PDGFD: variants seen among roughly 807,000 people sequenced by gnomAD.
The protein encoded by PDGFD is platelet derived growth factor D.
Under a neutral mutation model 44.7 loss-of-function variants are expected in PDGFD, and 30 were observed. That is an observed-to-expected ratio of 0.67 (90% confidence interval 0.50 to 0.91). The LOEUF (loss-of-function observed/expected upper bound fraction) is 0.91. Among genes scored for constraint, PDGFD ranks in the 40% least tolerant of loss-of-function variants. PDGFD has a pLI of 0.00. For synonymous variants in PDGFD, 173 were observed against 168.4 expected, an observed-to-expected ratio of 1.03 and a Z score of -0.21; for missense variants, 445 against 457.8, an observed-to-expected ratio of 0.97 and a Z score of 0.25.
At position 104,164,028 on chromosome 11, in the gene PDGFD, C is replaced by T; in HGVS notation, c.-101G>A. The T allele has an allele frequency of 7.6e-7, 1 of 1,322,800 alleles. No individual in the cohort carries two copies. Among genetic ancestry groups the T allele is most frequent in the Non-Finnish European group, 1.0e-6 (1 of 992,146 alleles). 81.9% of individuals were successfully genotyped at this position (1,322,800 alleles called of 1,614,324 possible). On this transcript the variant is annotated 5_prime_UTR_variant, in exon 1 of 7. Transcript: ENST00000393158. ...CCTGCGCTCTCGCCGCCTGCGCTCGCCCTGCGCTGGCCCGGGTCGCTGTGC... is the reference window on the plus strand; with the variant it reads ...CCTGCGCTCTCGCCGCCTGCGCTCGTCCTGCGCTGGCCCGGGTCGCTGTGC...
In PDGFD at chr11:103,947,647, T is replaced by C. The variant is rs756331829; in HGVS notation, c.573+15A>G. 11 of 1,607,676 alleles carry C rather than the reference T, an allele frequency of 6.8e-6. No homozygotes were observed. Among genetic ancestry groups the C allele is most frequent in the African/African-American group, 1.3e-5 (1 of 74,770 alleles). ...TCCGTTTCTTTTGCTGGCAACAGAG[T>C]AATAAATTACTTACTGAAATAGAGC... On this transcript the variant is annotated intron_variant, in intron 4 of 6. Transcript: ENST00000393158.
intron 1 of PDGFD, among the ~76,000 whole-genome samples, chr11:104,142,074 T>C (rs1345995532): frequency 6.6e-6 from 1 of 152,190 alleles, no homozygotes. Context: ...ACACTTACCA[T>C]ATTAATACTG....
At chr11:103,964,599 A>C (rs1858986426) in intron 3 of PDGFD, among the ~76,000 whole-genome samples, 1 of 152,160 alleles carries the variant, frequency 6.6e-6, no homozygotes, top group Non-Finnish European at 1.5e-5. Context: ...AAATGTGAAC[A>C]CTGCCCTACC....
At chr11:103,954,940 G>A (rs904363778) in intron 3 of PDGFD, among the ~76,000 whole-genome samples, 5 of 151,714 alleles carry the variant, frequency 3.3e-5, no homozygotes, top group South Asian at 2.1e-4. Context: ...CGAGGCGGGC[G>A]GATCACGAGG....
intron 3 of PDGFD, among the ~76,000 whole-genome samples, chr11:103,956,460 A>G (rs1258989048): frequency 1.4e-5 from 1 of 73,706 alleles, no homozygotes; most frequent in African/African-American, 1.8e-4. Context: ...CCAGTCTATC[A>G]CATAAGGACA....
At position 104,082,137 on chromosome 11, in the gene PDGFD, C is replaced by CATTATATATATATATATATATAT. The variant is rs1555050974; in HGVS notation, c.124+81666_124+81667insATATATATATATATATATATAAT. ...TTGTTGATGTCCATATACATACATA[C>CATTATATATATATATATATATAT]ATATATATATATGAAAAACAAAGTC... On this transcript the variant is annotated intron_variant, in intron 1 of 6. Coordinates refer to ENST00000393158, the MANE Select transcript of PDGFD (RefSeq NM_025208.5). 3.6e-4 allele frequency among the ~76,000 whole-genome samples: 44 copies of CATTATATATATATATATATATAT among 123,258 alleles called. 1 individual carries two copies. The highest frequency in any genetic ancestry group is 1.4e-3 in the African/African-American group (40 of 29,286). The allele number at this position is 123,258 out of a possible 152,430, so 80.9% of individuals were successfully genotyped here.
At chr11:104,071,162 T>C (rs991467630) in intron 1 of PDGFD, among the ~76,000 whole-genome samples, 2 of 151,994 alleles carry the variant, frequency 1.3e-5, no homozygotes, top group African/African-American at 4.8e-5. Flanking sequence ...CTACTAACTA[T>C]AAGCACAATA....
chr11:103,937,382 A>G (rs1858505853), intron 5 of PDGFD, among the ~76,000 whole-genome samples: 1 of 152,164 alleles, frequency 6.6e-6, no homozygotes, highest in Admixed American at 6.5e-5. Flanking sequence ...AAGAAAAAGA[A>G]CAGATCTTAC....
chr11:104,084,844 T>C (rs1259577519), intron 1 of PDGFD, among the ~76,000 whole-genome samples: 1 of 70,642 alleles, frequency 1.4e-5, no homozygotes, highest in Non-Finnish European at 2.4e-5. Flanking sequence ...ATATGTAATG[T>C]ATATATTTTA....
At chr11:104,119,164 C>A (rs1202853362) in intron 1 of PDGFD, among the ~76,000 whole-genome samples, 164 of 5,890 alleles carry the variant, frequency 0.028, 13 homozygotes, top group Non-Finnish European at 0.03. Flanking sequence ...ATTGATATAA[C>A]ATATAATATA....
intron 1 of PDGFD, among the ~76,000 whole-genome samples, chr11:104,160,035 A>C (rs1347863070): frequency 6.6e-6 from 1 of 152,088 alleles, no homozygotes; most frequent in Non-Finnish European, 1.5e-5. Flanking sequence ...TTGCTTTCAG[A>C]CTCTTTAAAA....
rs576790542 is a variant in PDGFD at position 104,102,412 on chromosome 11, A to C, written c.124+61392T>G. Among the ~76,000 whole-genome samples, 13 of 152,300 alleles carry C rather than the reference A, an allele frequency of 8.5e-5. 1 individual carries two copies. In the South Asian group the frequency reaches 2.5e-3, roughly 29 times the overall value. On this transcript the variant is annotated intron_variant, in intron 1 of 6. Transcript: ENST00000393158. ...CACACCAGTTAGAATGGCGATCATTAAAAAGTCAGGAAACAACAGGTGCTG... is the reference window on the plus strand; with the variant it reads ...CACACCAGTTAGAATGGCGATCATTCAAAAGTCAGGAAACAACAGGTGCTG...
At chr11:104,148,688 C>G (rs1041213223) in intron 1 of PDGFD, among the ~76,000 whole-genome samples, 1 of 152,000 alleles carries the variant, frequency 6.6e-6, no homozygotes, top group South Asian at 2.1e-4. Context: ...TATTTCATTA[C>G]CTACGTATTA....
intron 3 of PDGFD, among the ~76,000 whole-genome samples, chr11:103,967,103 A>G (rs1859032179): frequency 6.6e-6 from 1 of 152,260 alleles, no homozygotes; most frequent in African/African-American, 2.4e-5. Context: ...AGAGGCAATC[A>G]ACATTATTGG....
intron 1 of PDGFD, among the ~76,000 whole-genome samples, chr11:104,162,431 G>A (rs1050293626): frequency 4.8e-5 from 6 of 125,736 alleles, no homozygotes; most frequent in African/African-American, 1.4e-4. Context: ...ACACAGTTTG[G>A]TGTTGGGCCT....
chr11:103,969,110 T>C (rs1169253125), intron 3 of PDGFD, among the ~76,000 whole-genome samples: 1 of 152,220 alleles, frequency 6.6e-6, no homozygotes, highest in Admixed American at 6.5e-5. Context: ...TTTCACAGTA[T>C]ACTTTTTCAT....
chr11:104,118,544 T>C (rs1353605167), intron 1 of PDGFD, among the ~76,000 whole-genome samples: 1 of 150,914 alleles, frequency 6.6e-6, no homozygotes, highest in Non-Finnish European at 1.5e-5. Context: ...CCAATGGCAT[T>C]AGCCAGGACT....
intron 6 of PDGFD, among the ~76,000 whole-genome samples, chr11:103,924,452 A>G (rs1858271824): frequency 6.6e-6 from 1 of 152,228 alleles, no homozygotes; most frequent in Non-Finnish European, 1.5e-5. Flanking sequence ...AGATGATAGC[A>G]TTCTCTAGAT....
At chr11:104,096,164 T>C (rs1356966771) in intron 1 of PDGFD, among the ~76,000 whole-genome samples, 1 of 152,184 alleles carries the variant, frequency 6.6e-6, no homozygotes, top group Non-Finnish European at 1.5e-5. Flanking sequence ...CAATTGAAGT[T>C]TATGAGCTGC....
Sources: allele counts gnomAD v4.1 joint callset (sites outside exome capture counted in the v4.1 genomes callset), GRCh38; gene constraint gnomAD v4.1.1; transcripts MANE v1.5; gene names NCBI Gene and HGNC (gene_info 2026-07-23, HGNC 2026-07-21).